Variants in THBS2 observed in about 807,000 individuals in gnomAD.
THBS2 encodes the protein thrombospondin-2.
THBS2 carries 47 observed loss-of-function variants against 135.2 expected under a neutral mutation model. That is an observed-to-expected ratio of 0.35 (90% CI 0.28 to 0.44). The LOEUF is 0.44. Among genes scored for constraint, THBS2 ranks in the 20% least tolerant of loss-of-function variants. The pLI is 1.00. For synonymous variants in THBS2, 639 were observed against 633.8 expected (o/e 1.01, Z -0.12); for missense variants, 1,288 against 1,603.1 (o/e 0.80, Z 3.36).
intron 7 of THBS2, 46 bp downstream of exon 7, chr6:169,239,553 G>A (rs766212624): frequency 6.6e-6 from 10 of 1,505,244 alleles, no homozygotes; most frequent in Non-Finnish European, 7.3e-6. Context: ...AACAAGCATG[G>A]AATTCCTAAA....
At position 169,232,687 on chromosome 6, in the gene THBS2, C is replaced by T; in HGVS notation, c.1909G>A (p.Glu637Lys). The T allele has an allele frequency of 5.0e-6, 8 of 1,609,298 alleles. No individual in the cohort carries two copies. Among genetic ancestry groups the T allele is most frequent in the Non-Finnish European group, 5.9e-6 (7 of 1,178,062 alleles). ...ACTTGCTTTTCCGTCTTGGCTGCTTCCAGGCCGACCCCGACGGGCTGGTTC... is the reference window on the plus strand; with the variant it reads ...ACTTGCTTTTCCGTCTTGGCTGCTTTCAGGCCGACCCCGACGGGCTGGTTC... The part of the protein sequence containing the change: ...RGNQPVGVGL[E>K]AAKTEKQVCE... The change falls in exon 12 of 22, where the codon GAA becomes AAA. Residue 637 changes from glutamate (E) to lysine (K), a missense_variant. Physicochemically the swap from Glu to Lys is moderately conservative, Grantham distance 56. Coordinates refer to ENST00000617924, the MANE Select transcript of THBS2 (RefSeq NM_003247.5).
At chr6:169,236,464 C>A (rs1780078261) in intron 9 of THBS2, among the ~76,000 whole-genome samples, 1 of 116,086 alleles carries the variant, frequency 8.6e-6, no homozygotes. Context: ...AAACACCATC[C>A]ACACTCACTC....
intron 3 of THBS2, among the ~76,000 whole-genome samples, chr6:169,247,916 CAT>C (rs1456331935): frequency 1.2e-4 from 18 of 151,778 alleles, no homozygotes; most frequent in East Asian, 7.8e-4. Flanking sequence ...CATGTGTGCA[CAT>C]GAGTGTATGA....
chr6:169,228,065 A>T, intron 15 of THBS2, 57 bp downstream of exon 15: 1 of 1,466,710 alleles, frequency 6.8e-7, no homozygotes, highest in Non-Finnish European at 9.2e-7. Flanking sequence ...CAATAGTGAA[A>T]CTCCATCTCA....
intron 17 of THBS2, 65 bp downstream of exon 17, chr6:169,225,080 C>A: frequency 6.7e-7 from 1 of 1,498,608 alleles, no homozygotes; most frequent in Non-Finnish European, 9.3e-7. Context: ...GCATACATAT[C>A]TCTGCCCTGG....
chr6:169,248,213 C>T (rs1780623599), intron 3 of THBS2, among the ~76,000 whole-genome samples: 1 of 151,746 alleles, frequency 6.6e-6, no homozygotes, highest in Non-Finnish European at 1.5e-5. Flanking sequence ...TGTGCACATG[C>T]CTGTGGCTGC....
At chr6:169,235,957 C>T (rs1181477115) in intron 9 of THBS2, among the ~76,000 whole-genome samples, 2 of 123,776 alleles carry the variant, frequency 1.6e-5, no homozygotes, top group Non-Finnish European at 3.5e-5. Flanking sequence ...TCCCCATCCA[C>T]ACTCACTCCC....
chr6:169,223,923 T>A (rs1199445442), intron 17 of THBS2, among the ~76,000 whole-genome samples: 1 of 152,176 alleles, frequency 6.6e-6, no homozygotes, highest in African/African-American at 2.4e-5. Flanking sequence ...CTAAAATGGT[T>A]TTTCCTAGGG....
chr6:169,237,662 CTGGA>C lies in THBS2; in HGVS notation c.1259_1262del (p.Ile420ArgfsTer7). ...ACTTGCTCAGACTGCAAGCCCGTGT[CTGGA>C]TGGAGGGCCCCAAGCAGGTGTTGCT... On this transcript the variant is annotated frameshift_variant, in exon 8 of 22. Coordinates refer to ENST00000617924, the MANE Select transcript of THBS2 (RefSeq NM_003247.5). LOFTEE classifies it high-confidence loss of function. The C allele has an allele frequency of 6.2e-7, 1 of 1,613,052 alleles. No individual in the cohort carries two copies. The highest frequency in any genetic ancestry group is 8.5e-7 in the Non-Finnish European group (1 of 1,179,950).
At chr6:169,223,863 T>C (rs1779522066) in intron 17 of THBS2, among the ~76,000 whole-genome samples, 1 of 152,254 alleles carries the variant, frequency 6.6e-6, no homozygotes, top group Non-Finnish European at 1.5e-5. Context: ...TTACTTTTCT[T>C]AGTCATCCTT....
At chr6:169,245,252 ATCTT>A (rs147961588) in intron 4 of THBS2, among the ~76,000 whole-genome samples, 15,170 of 152,252 alleles carry the variant, frequency 0.1, 959 homozygotes, top group Middle Eastern at 0.15. Flanking sequence ...GCCAGCCTTC[ATCTT>A]TGTAAAATGA....
chr6:169,221,121 C>A (rs770789258), intron 20 of THBS2, among the ~76,000 whole-genome samples: 2 of 152,218 alleles, frequency 1.3e-5, no homozygotes, highest in East Asian at 3.8e-4. Flanking sequence ...AAAGCACATG[C>A]TAATTCTGCA....
chr6:169,218,498 GTGGA>G (rs1327136708), intron 21 of THBS2, among the ~76,000 whole-genome samples: 19 of 134,600 alleles, frequency 1.4e-4, no homozygotes, highest in East Asian at 1.0e-3. Flanking sequence ...AAATGGATGG[GTGGA>G]TGGATGGATG....
At chr6:169,236,593 C>T (rs1780092124) in intron 9 of THBS2, among the ~76,000 whole-genome samples, 1 of 136,092 alleles carries the variant, frequency 7.3e-6, no homozygotes, top group South Asian at 2.4e-4. Context: ...ACTCCCCATC[C>T]ACACTCATTC....
intron 14 of THBS2, 103 bp from the exon 15 acceptor site, chr6:169,228,384 A>G (rs1779716227): frequency 1.4e-6 from 2 of 1,405,260 alleles, no homozygotes; most frequent in Non-Finnish European, 1.9e-6. Flanking sequence ...GAAAATCAAT[A>G]TAGAAATCAA....
At chr6:169,229,808 G>T (rs1051199175) in intron 13 of THBS2, 129 bp from the exon 14 acceptor site, 3 of 682,442 alleles carry the variant, frequency 4.4e-6, no homozygotes, top group South Asian at 3.9e-5. Context: ...GATCTCAAGC[G>T]GGAGCTGAGA....
rs141764527 is a variant in THBS2, at chr6:169,221,894, T to C, written c.3273+303A>G. Among the ~76,000 whole-genome samples, 6 of 152,334 alleles carry C rather than the reference T, an allele frequency of 3.9e-5. No homozygotes were observed. In the East Asian group the frequency reaches 1.2e-3, roughly 29 times the overall value. ...CTCCCTAGCTTCAATTTTTAAAATA[T>C]TTTTTTCATATTATATCTTTGATCA... On this transcript the variant is annotated intron_variant, in intron 19 of 21. Transcript: ENST00000617924.
chr6:169,228,089 AG>A lies in THBS2; in HGVS notation c.2419+32del. 2.6e-6 allele frequency: 4 copies of A among 1,518,300 alleles called. No individual in the cohort carries two copies. The South Asian group carries it at 3.8e-5, about 14-fold the overall frequency. 94.1% of individuals were successfully genotyped at this position (1,518,300 alleles called of 1,614,324 possible). A position where few individuals can be genotyped will look rare whatever the true frequency, so the allele number is the denominator to read the frequency against. On this transcript the variant is annotated intron_variant, in intron 15 of 21. Transcript: ENST00000617924. Reference sequence around the variant, plus strand: ...AACTCCATCTCAAAAAAAAAAAAAAAGTGCACGCATGGGAAGGAGCAGAAGC... The same window carrying A: ...AACTCCATCTCAAAAAAAAAAAAAAATGCACGCATGGGAAGGAGCAGAAGC...
Position 169,234,961 on chromosome 6 carries a change from G to A in THBS2, c.1478-54C>T, listed in dbSNP as rs190362916. Reference sequence around the variant, plus strand: ...CAGAGCAAGACCCGGGGTGGAGAACGTGAGTTGGCTGAGTGAGAGGGAAGA... The same window carrying A: ...CAGAGCAAGACCCGGGGTGGAGAACATGAGTTGGCTGAGTGAGAGGGAAGA... On this transcript the variant is annotated intron_variant, in intron 9 of 21. Coordinates refer to ENST00000617924, the MANE Select transcript of THBS2 (RefSeq NM_003247.5). 123 of 1,539,562 alleles carry A rather than the reference G, an allele frequency of 8.0e-5. 1 individual carries two copies. In the East Asian group the frequency reaches 2.0e-3, roughly 25 times the overall value.
Sources: allele counts gnomAD v4.1 joint callset (sites outside exome capture counted in the v4.1 genomes callset), GRCh38; gene constraint gnomAD v4.1.1; transcripts MANE v1.5; gene names NCBI Gene and HGNC (gene_info 2026-07-23, HGNC 2026-07-21).